SLC43A2: variants seen among roughly 807,000 people sequenced by gnomAD.
SLC43A2 encodes solute carrier family 43 member 2.
In SLC43A2, 38 loss-of-function variants were observed where a neutral mutation model predicts 63.2. The ratio of observed to expected loss-of-function variants is 0.60; its 90% confidence interval spans 0.46 to 0.79. The LOEUF (loss-of-function observed/expected upper bound fraction) is 0.79. Ranked by LOEUF, SLC43A2 falls within the 30% of genes least tolerant of loss-of-function variation. SLC43A2 has a pLI of 0.00. For synonymous variants in SLC43A2, 322 were observed against 331.0 expected (o/e 0.97, Z 0.30); for missense variants, 644 against 756.2 (o/e 0.85, Z 1.74).
chr17:1,592,654 C>G (rs371995554), intron 6 of SLC43A2, among the ~76,000 whole-genome samples: 8 of 152,184 alleles, frequency 5.3e-5, no homozygotes, highest in African/African-American at 1.9e-4. Flanking sequence ...GTGGGAGAAG[C>G]CCCTACGGGG....
chr17:1,625,821 G>A (rs985583906), intron 2 of SLC43A2, among the ~76,000 whole-genome samples: 3 of 152,070 alleles, frequency 2.0e-5, no homozygotes, highest in African/African-American at 7.2e-5. Flanking sequence ...CTTCACTTTG[G>A]TTTAGTGGAG....
At chr17:1,628,718 C>G (rs2151087765) in intron 1 of SLC43A2, 76 bp downstream of exon 1, 1 of 152,494 alleles carries the variant, frequency 6.6e-6, no homozygotes, top group Middle Eastern at 3.3e-3. Context: ...CACGTTTTCT[C>G]CCTACGCCCC....
chr17:1,628,882 C>T (rs1287272743), upstream of SLC43A2: 1 of 152,206 alleles, frequency 6.6e-6, no homozygotes, highest in Non-Finnish European at 1.5e-5. Flanking sequence ...AAGAAGAAAA[C>T]ACTGCCGCCC....
intron 2 of SLC43A2, among the ~76,000 whole-genome samples, chr17:1,621,508 G>C (rs1016386758): frequency 1.3e-5 from 2 of 152,224 alleles, no homozygotes; most frequent in African/African-American, 2.4e-5. Context: ...ATGTAGGTGA[G>C]AGGTCGGCTC....
chr17:1,584,044 C>T (rs1290848719), intron 10 of SLC43A2, among the ~76,000 whole-genome samples: 5 of 151,884 alleles, frequency 3.3e-5, no homozygotes, highest in Non-Finnish European at 5.9e-5. Context: ...TACAGGCACG[C>T]GCCACCTTAC....
At chr17:1,626,392 A>G (rs77024379) in intron 2 of SLC43A2, among the ~76,000 whole-genome samples, 1 of 152,278 alleles carries the variant, frequency 6.6e-6, no homozygotes, top group African/African-American at 2.4e-5. Flanking sequence ...CCAACTCCCA[A>G]GATTTCTTGC....
intron 3 of SLC43A2, among the ~76,000 whole-genome samples, chr17:1,615,685 T>TA (rs1447376127): frequency 2.0e-5 from 3 of 148,244 alleles, no homozygotes; most frequent in Non-Finnish European, 4.5e-5. Flanking sequence ...CTACTAAAAA[T>TA]ACAAAAAATT....
chr17:1,624,221 G>A (rs1175767237), intron 2 of SLC43A2, among the ~76,000 whole-genome samples: 3 of 152,232 alleles, frequency 2.0e-5, no homozygotes, highest in East Asian at 3.8e-4. Flanking sequence ...TGGATCGACT[G>A]AGCCCAGGAG....
chr17:1,625,704 C>T (rs534023199), intron 2 of SLC43A2, among the ~76,000 whole-genome samples: 5 of 152,298 alleles, frequency 3.3e-5, no homozygotes, highest in Admixed American at 6.5e-5. Context: ...CCGCCCAGAA[C>T]GTGGGCTCAG....
At chr17:1,604,166 G>A (rs1015978743) in intron 5 of SLC43A2, among the ~76,000 whole-genome samples, 3 of 148,192 alleles carry the variant, frequency 2.0e-5, no homozygotes, top group Non-Finnish European at 4.5e-5. Flanking sequence ...TCAGCCTCCC[G>A]AGTAGCTGGG....
chr17:1,594,726 T>C (rs891181940), intron 5 of SLC43A2, among the ~76,000 whole-genome samples: 3 of 150,178 alleles, frequency 2.0e-5, no homozygotes, highest in South Asian at 2.1e-4. Flanking sequence ...TAGCTGGGAC[T>C]ATAGGCGCCC....
In SLC43A2 at chr17:1,591,022, C is replaced by T. The variant is rs1265310413; in HGVS notation, c.932-74G>A. 3 of 1,496,960 alleles carry T rather than the reference C, an allele frequency of 2.0e-6. No homozygotes were observed. The African/African-American group carries it at 4.2e-5, about 21-fold the overall frequency. 92.7% of individuals were successfully genotyped at this position (1,496,960 alleles called of 1,614,324 possible). A position where few individuals can be genotyped will look rare whatever the true frequency, so the allele number is the denominator to read the frequency against. On this transcript the variant is annotated intron_variant, in intron 8 of 13. Coordinates refer to ENST00000301335, the MANE Select transcript of SLC43A2 (RefSeq NM_152346.3). ...CACCGGGGGGACACGCAGATCCCTC[C>T]ACGCTGGAGGCCAGGAGGGGGCCCT...
rs2075878065 is a variant in SLC43A2, at chr17:1,573,584, G to A, written c.*2020C>T. The stretch of plus-strand genomic sequence containing the variant: ...AGAATAACCACTAACATCACAAAAC[G>A]AGTGTTCTCAGGAGTGGGCATGTTT... On this transcript the variant is annotated 3_prime_UTR_variant, in exon 14 of 14. Coordinates refer to ENST00000301335, the MANE Select transcript of SLC43A2 (RefSeq NM_152346.3). The A allele has an allele frequency of 6.6e-6, 1 of 152,096 alleles. No individual in the cohort carries two copies. Among genetic ancestry groups the A allele is most frequent in the Non-Finnish European group, 1.5e-5 (1 of 68,032 alleles). 9.4% of individuals were successfully genotyped at this position (152,096 alleles called of 1,614,324 possible).
chr17:1,602,733 T>A (rs879624188), intron 5 of SLC43A2, among the ~76,000 whole-genome samples: 1 of 151,784 alleles, frequency 6.6e-6, no homozygotes, highest in Admixed American at 6.6e-5. Flanking sequence ...TTTAACTTCT[T>A]AATTCATGGT....
chr17:1,594,889 T>C (rs1905167352), intron 5 of SLC43A2, among the ~76,000 whole-genome samples: 1 of 151,924 alleles, frequency 6.6e-6, no homozygotes, highest in South Asian at 2.1e-4. Flanking sequence ...CGCCCAACCT[T>C]TTTTTCTTGT....
rs536005405 is a variant in SLC43A2 at position 1,593,296 on chromosome 17, A to T, written c.502-17T>A. 8.1e-6 allele frequency: 13 copies of T among 1,611,544 alleles called. No homozygotes were observed. In the Admixed American group the frequency reaches 2.0e-4, roughly 25 times the overall value. On this transcript the variant is annotated splice_polypyrimidine_tract_variant and intron_variant, in intron 5 of 13. Transcript: ENST00000301335. The surrounding 1 kb of genome is among the most constrained non-coding windows in gnomAD (Gnocchi z 5.3). ...GTTGGGCAGCTGAGAGATAAGAAGC[A>T]GAGAAACCTCAGTGGGGAGGATGCA...
At position 1,605,232 on chromosome 17, in the gene SLC43A2, C is replaced by T; in HGVS notation, c.501+7963G>A. The T allele has an allele frequency of 9.3e-7, 1 of 1,075,494 alleles. No homozygotes were observed. Among genetic ancestry groups the T allele is most frequent in the Non-Finnish European group, 1.1e-6 (1 of 882,848 alleles). The allele number at this position is 1,075,494 out of a possible 1,614,324, so 66.6% of individuals were successfully genotyped here. A position where few individuals can be genotyped will look rare whatever the true frequency, so the allele number is the denominator to read the frequency against. On this transcript the variant is annotated intron_variant, in intron 5 of 13. Coordinates refer to ENST00000301335, the MANE Select transcript of SLC43A2 (RefSeq NM_152346.3). The surrounding 1 kb of genome is among the most constrained non-coding windows in gnomAD (Gnocchi z 4.9). The stretch of plus-strand genomic sequence containing the variant: ...CTCAGTCACACAGGGAAGCCCGTGA[C>T]TCTCTCTCTTTCAGCCCCCTGGCTG...
In SLC43A2 at chr17:1,583,053, T is replaced by G. The variant is rs1488589265; in HGVS notation, c.1350+151A>C. 4 of 863,740 alleles carry G rather than the reference T, an allele frequency of 4.6e-6. No individual in the cohort carries two copies. The highest frequency in any genetic ancestry group is 7.0e-6 in the Non-Finnish European group (4 of 568,632). The allele number at this position is 863,740 out of a possible 1,614,324, so 53.5% of individuals were successfully genotyped here. On this transcript the variant is annotated intron_variant, in intron 11 of 13. Transcript: ENST00000301335. This position sits in a 1 kb window ranked among gnomAD's most constrained non-coding sequence, Gnocchi z 5.5. ...GAGATCACACCACTGCACTCCAGCC[T>G]GAGCAACAGAGTTTGACTCTGTCTC...
rs1206755226 is a variant in SLC43A2, at chr17:1,570,079, G to C, written c.*5525C>G. On this transcript the variant is annotated 3_prime_UTR_variant, in exon 14 of 14. Coordinates refer to ENST00000301335, the MANE Select transcript of SLC43A2 (RefSeq NM_152346.3). ...ATTTTTTTTTTTCGTATTTTTAGTA[G>C]AGATGGGGTTTCACTGTGTTAGCCA... 2 of 151,316 alleles carry C rather than the reference G, an allele frequency of 1.3e-5. No individual in the cohort carries two copies. Among genetic ancestry groups the C allele is most frequent in the Admixed American group, 6.6e-5 (1 of 15,192 alleles). 9.4% of individuals were successfully genotyped at this position (151,316 alleles called of 1,614,324 possible).
Sources: gnomAD v4.1 joint callset for allele counts (sites outside exome capture counted in the v4.1 genomes callset) on GRCh38, gnomAD v4.1.1 for gene constraint, Gnocchi (gnomAD v3.1) non-coding constraint, MANE v1.5 for transcripts, NCBI Gene and HGNC (gene_info 2026-07-23, HGNC 2026-07-21) for gene names.